Variants in NRXN3 observed in about 807,000 individuals in gnomAD.
NRXN3 encodes the protein neurexin III.
NRXN3 carries 32 observed loss-of-function variants against 137.6 expected under a neutral mutation model. The observed-to-expected ratio is 0.23, with a 90% CI of 0.18 to 0.31. The LOEUF (loss-of-function observed/expected upper bound fraction) is 0.31, where lower values mean the gene tolerates loss of function less well. Ranked by LOEUF, NRXN3 falls within the 10% of genes least tolerant of loss-of-function variation. The pLI is 1.00. For synonymous variants in NRXN3, 798 were observed against 784.5 expected, an observed-to-expected ratio of 1.02 and a Z score of -0.29; for missense variants, 1,574 against 2,062.5, an observed-to-expected ratio of 0.76 and a Z score of 4.59.
intron 15 of NRXN3, among the ~76,000 whole-genome samples, chr14:79,179,004 G>A (rs2062645670): frequency 6.6e-6 from 1 of 152,168 alleles, no homozygotes; most frequent in Non-Finnish European, 1.5e-5. Context: ...CTTTCTCTCA[G>A]CAGCTATTTC....
intron 14 of NRXN3, among the ~76,000 whole-genome samples, chr14:78,987,747 T>C (rs2153067516): frequency 6.6e-6 from 1 of 152,252 alleles, no homozygotes; most frequent in South Asian, 2.1e-4. Flanking sequence ...GAGATGAAGC[T>C]ATTTTGCAAA....
At chr14:78,569,129 G>T (rs373577444) in intron 4 of NRXN3, among the ~76,000 whole-genome samples, 2 of 148,582 alleles carry the variant, frequency 1.3e-5, no homozygotes, top group African/African-American at 2.5e-5. Flanking sequence ...CACCACGCCT[G>T]GCTAATTTTT....
intron 15 of NRXN3, among the ~76,000 whole-genome samples, chr14:79,207,314 G>C (rs575279712): frequency 6.6e-6 from 1 of 152,058 alleles, no homozygotes; most frequent in African/African-American, 2.4e-5. Context: ...CCCCCACCCC[G>C]CCCCAAGCGA....
chr14:78,906,970 C>T (rs902796736), intron 10 of NRXN3, among the ~76,000 whole-genome samples: 9 of 151,938 alleles, frequency 5.9e-5, no homozygotes, highest in Non-Finnish European at 1.2e-4. Context: ...ATAATTCGCT[C>T]AATCTGGGCT....
At chr14:79,600,403 T>A (rs2097909869) in intron 16 of NRXN3, among the ~76,000 whole-genome samples, 1 of 152,180 alleles carries the variant, frequency 6.6e-6, no homozygotes, top group African/African-American at 2.4e-5. Flanking sequence ...ATACTTCAGA[T>A]GCACAAGGTT....
intron 6 of NRXN3, among the ~76,000 whole-genome samples, chr14:78,683,520 C>G (rs745712446): frequency 1.1e-4 from 16 of 152,060 alleles, no homozygotes; most frequent in South Asian, 6.2e-4. Flanking sequence ...ACAGAGTGCC[C>G]CAGCTTCACA....
intron 15 of NRXN3, among the ~76,000 whole-genome samples, chr14:79,166,252 TAAA>T (rs1355173671): frequency 6.6e-6 from 1 of 151,894 alleles, no homozygotes; most frequent in Non-Finnish European, 1.5e-5. Flanking sequence ...CTGGAGTAGT[TAAA>T]AAGTAGTACA....
chr14:78,458,780 T>C (rs1428934455), intron 4 of NRXN3, among the ~76,000 whole-genome samples: 1 of 152,276 alleles, frequency 6.6e-6, no homozygotes, highest in Non-Finnish European at 1.5e-5. Flanking sequence ...CCTGTTGTTA[T>C]ATCTCCTTCT....
intron 4 of NRXN3, among the ~76,000 whole-genome samples, chr14:78,466,478 G>A (rs888219172): frequency 2.6e-5 from 4 of 152,218 alleles, no homozygotes; most frequent in Admixed American, 6.5e-5. Context: ...GGAAATGAAT[G>A]TTGAGAAGTG....
chr14:79,817,081 G>A (rs1465029205), intron 20 of NRXN3, among the ~76,000 whole-genome samples: 1 of 151,132 alleles, frequency 6.6e-6, no homozygotes, highest in Non-Finnish European at 1.5e-5. Flanking sequence ...TTTTTTTTTG[G>A]TCACTCTGTC....
chr14:79,021,908 G>A lies in NRXN3; in HGVS notation c.3262+33767G>A, dbSNP rs536678386. On this transcript the variant is annotated intron_variant, in intron 15 of 20. Coordinates refer to ENST00000335750, the MANE Select transcript of NRXN3 (RefSeq NM_001330195.2). Reference sequence around the variant, plus strand: ...CAGTGCCAGCCCAAGTTGTGGCATAGTGTTGGGTGATTTAAAACTCAGGGG... The same window carrying A: ...CAGTGCCAGCCCAAGTTGTGGCATAATGTTGGGTGATTTAAAACTCAGGGG... Among the ~76,000 whole-genome samples, 205 of 152,324 alleles carry A rather than the reference G, an allele frequency of 1.3e-3. 1 individual carries two copies. Among genetic ancestry groups the A allele is most frequent in the African/African-American group, 4.2e-3 (174 of 41,568 alleles).
intron 10 of NRXN3, among the ~76,000 whole-genome samples, chr14:78,848,016 C>G (rs189725540): frequency 2.6e-5 from 4 of 152,052 alleles, no homozygotes; most frequent in Admixed American, 2.6e-4. Flanking sequence ...AGAATTCCAC[C>G]CCCGGCCTCT....
At chr14:79,061,780 A>G (rs1451986365) in intron 15 of NRXN3, among the ~76,000 whole-genome samples, 1 of 152,034 alleles carries the variant, frequency 6.6e-6, no homozygotes, top group African/African-American at 2.4e-5. Context: ...TCACACCCTC[A>G]CCATTGGAGA....
chr14:78,677,743 G>A (rs567392290), intron 6 of NRXN3, among the ~76,000 whole-genome samples: 2 of 152,138 alleles, frequency 1.3e-5, no homozygotes, highest in Non-Finnish European at 2.9e-5. Context: ...TTTGTGAAAG[G>A]AAGAGTCAAT....
chr14:79,864,095 A>C lies in NRXN3; in HGVS notation c.*2131A>C, dbSNP rs1337879286. 6.6e-6 allele frequency: 1 copy of C among 152,654 alleles called. No individual in the cohort carries two copies. The highest frequency in any genetic ancestry group is 1.5e-5 in the Non-Finnish European group (1 of 68,040). The allele number at this position is 152,654 out of a possible 1,614,324, so 9.5% of individuals were successfully genotyped here. The stretch of plus-strand genomic sequence containing the variant: ...AAACGGCCCAGCCTATACGAAGTTG[A>C]TTATATCTCGATGTCTGTAAAAGAT... On this transcript the variant is annotated 3_prime_UTR_variant, in exon 21 of 21. Coordinates refer to ENST00000335750, the MANE Select transcript of NRXN3 (RefSeq NM_001330195.2).
chr14:79,592,309 A>G (rs2097813199), intron 16 of NRXN3, among the ~76,000 whole-genome samples: 1 of 152,190 alleles, frequency 6.6e-6, no homozygotes, highest in Non-Finnish European at 1.5e-5. Context: ...AAAATTGGAC[A>G]TTGTGGTTTG....
At chr14:79,242,472 A>C (rs774744108) in intron 15 of NRXN3, among the ~76,000 whole-genome samples, 2 of 152,184 alleles carry the variant, frequency 1.3e-5, no homozygotes, top group Non-Finnish European at 2.9e-5. Flanking sequence ...AAATAATTGC[A>C]GTAGCTTTGT....
intron 15 of NRXN3, among the ~76,000 whole-genome samples, chr14:79,400,300 C>T (rs141354410): frequency 9.8e-4 from 149 of 152,242 alleles, no homozygotes; most frequent in African/African-American, 3.4e-3. Flanking sequence ...GGGAAGACTA[C>T]GTAGGCATAG....
intron 2 of NRXN3, among the ~76,000 whole-genome samples, chr14:78,270,843 C>T (rs2072602026): frequency 6.6e-6 from 1 of 152,172 alleles, no homozygotes; most frequent in Non-Finnish European, 1.5e-5. Context: ...TATTAGGGAA[C>T]ATTTTGAGCA....
Sources: allele counts gnomAD v4.1 joint callset (sites outside exome capture counted in the v4.1 genomes callset), GRCh38; gene constraint gnomAD v4.1.1; transcripts MANE v1.5; gene names NCBI Gene and HGNC (gene_info 2026-07-23, HGNC 2026-07-21).